GPR89A: variants seen among roughly 807,000 people sequenced by gnomAD.
The protein encoded by GPR89A is G protein-coupled receptor 89A.
In GPR89A, 16 loss-of-function variants were observed where a neutral mutation model predicts 52.0. That is an observed-to-expected ratio of 0.31 (90% confidence interval 0.21 to 0.47). The LOEUF is 0.47. Ranked by LOEUF, GPR89A falls within the 20% of genes least tolerant of loss-of-function variation. The pLI is 1.00. For missense variants in GPR89A, 135 were observed against 449.4 expected (o/e 0.30, Z 6.33); for synonymous variants, 55 against 150.9 (o/e 0.36, Z 4.66).
chr1:145,623,909 CT>C (rs1437312510), intron 5 of GPR89A, among the ~76,000 whole-genome samples, 195 bp downstream of exon 5: 1 of 150,622 alleles, frequency 6.6e-6, no homozygotes, highest in Non-Finnish European at 1.5e-5. Flanking sequence ...TGAAAAATGT[CT>C]GATTTTGAAC....
chr1:145,667,985 T>C (rs1413568465), intron 12 of GPR89A, among the ~76,000 whole-genome samples: 1 of 152,214 alleles, frequency 6.6e-6, no homozygotes, highest in African/African-American at 2.4e-5. Flanking sequence ...CCTTGTAGTA[T>C]AGCTTGAAGT....
At chr1:145,668,351 CT>C (rs1302354320) in intron 12 of GPR89A, among the ~76,000 whole-genome samples, 5 of 152,110 alleles carry the variant, frequency 3.3e-5, no homozygotes, top group Admixed American at 2.6e-4. Context: ...TGGGCGTTCA[CT>C]CATGATTTGG....
chr1:145,610,011 A>G (rs1648141420), intron 1 of GPR89A, among the ~76,000 whole-genome samples: 1 of 152,004 alleles, frequency 6.6e-6, no homozygotes. Flanking sequence ...GGCATTTATT[A>G]CTATGGTTCA....
intron 10 of GPR89A, among the ~76,000 whole-genome samples, chr1:145,660,624 C>A (rs187723863): frequency 6.6e-6 from 1 of 152,176 alleles, no homozygotes; most frequent in Admixed American, 6.5e-5. Context: ...AAACAAACAA[C>A]CCCATCAAAA....
intron 9 of GPR89A, chr1:145,646,528 G>A (rs1335619731): frequency 4.3e-6 from 2 of 463,098 alleles, no homozygotes; most frequent in Non-Finnish European, 7.7e-6. Context: ...ATTTAGGAAG[G>A]TGGCACGTAC....
At chr1:145,613,713 A>G (rs1475795071) in intron 1 of GPR89A, among the ~76,000 whole-genome samples, 1 of 150,344 alleles carries the variant, frequency 6.7e-6, no homozygotes, top group East Asian at 2.0e-4. Context: ...GCCTTTACTC[A>G]TGCCCTTTGC....
intron 7 of GPR89A, among the ~76,000 whole-genome samples, chr1:145,636,897 G>A (rs1297441638): frequency 6.6e-6 from 1 of 152,060 alleles, no homozygotes; most frequent in African/African-American, 2.4e-5. Flanking sequence ...TGTACAGATT[G>A]GTAAGAGTTT....
At chr1:145,662,544 C>T (rs1415579735) in intron 10 of GPR89A, among the ~76,000 whole-genome samples, 4 of 151,930 alleles carry the variant, frequency 2.6e-5, no homozygotes, top group Non-Finnish European at 5.9e-5. Flanking sequence ...TCCAATCTAA[C>T]AACCTCTGCC....
At chr1:145,646,512 T>C in intron 9 of GPR89A, 1 of 478,624 alleles carries the variant, frequency 2.1e-6, no homozygotes. Context: ...GAAGAGGCTT[T>C]TCAACATTTA....
intron 5 of GPR89A, among the ~76,000 whole-genome samples, chr1:145,624,313 T>TA (rs1342888742): frequency 7.9e-6 from 1 of 127,166 alleles, no homozygotes; most frequent in Non-Finnish European, 1.6e-5. Flanking sequence ...AAGTTTATTT[T>TA]AAAACAAGAA....
At chr1:145,668,362 GCTCT>G (rs1163783823) in intron 12 of GPR89A, among the ~76,000 whole-genome samples, 1 of 151,980 alleles carries the variant, frequency 6.6e-6, no homozygotes, top group Non-Finnish European at 1.5e-5. Flanking sequence ...TCATGATTTG[GCTCT>G]CTGTTTGTCT....
intron 5 of GPR89A, among the ~76,000 whole-genome samples, chr1:145,627,398 A>G (rs1378346327): frequency 6.6e-6 from 1 of 151,948 alleles, no homozygotes; most frequent in East Asian, 1.9e-4. Context: ...ATAGTCAACA[A>G]ACATTTGTTG....
chr1:145,657,111 T>G (rs1217420504), intron 10 of GPR89A, among the ~76,000 whole-genome samples: 1 of 151,132 alleles, frequency 6.6e-6, no homozygotes, highest in African/African-American at 2.5e-5. Flanking sequence ...ATGTTTGCAT[T>G]GTCTGAGCAT....
chr1:145,608,317 G>A, intron 1 of GPR89A, 142 bp downstream of exon 1: 2 of 1,283,756 alleles, frequency 1.6e-6, no homozygotes, highest in South Asian at 1.3e-5. Flanking sequence ...CCCAGAGAGG[G>A]TGTGCGATTT....
chr1:145,655,840 C>A (rs1443290831), intron 10 of GPR89A, among the ~76,000 whole-genome samples: 24 of 151,914 alleles, frequency 1.6e-4, no homozygotes, highest in African/African-American at 5.6e-4. Context: ...TGAAGGGAAT[C>A]CCCCTCCTCT....
Position 145,647,861 on chromosome 1 carries a change from C to G in GPR89A, c.909+594C>G, listed in dbSNP as rs1420875207. ...CTCTCTCTCCTCCTCCTCTCTCTCTCTCTCTCTCTCTCTCTCTCTATATAT... is the reference window on the plus strand; with the variant it reads ...CTCTCTCTCCTCCTCCTCTCTCTCTGTCTCTCTCTCTCTCTCTCTATATAT... On this transcript the variant is annotated intron_variant, in intron 10 of 13. Coordinates refer to ENST00000313835, the MANE Select transcript of GPR89A (RefSeq NM_001097612.2). Among the ~76,000 whole-genome samples the G allele has an allele frequency of 5.6e-3, 464 of 82,418 alleles. 12 individuals carry two copies. The highest frequency in any genetic ancestry group is 8.5e-3 in the Non-Finnish European group (358 of 42,258). 54.1% of individuals were successfully genotyped at this position (82,418 alleles called of 152,430 possible).
chr1:145,612,516 T>G (rs587636161), intron 1 of GPR89A, among the ~76,000 whole-genome samples: 58 of 152,304 alleles, frequency 3.8e-4, no homozygotes, highest in South Asian at 1.4e-3. Flanking sequence ...TTGAGTTCAA[T>G]CTTGATTCTG....
intron 7 of GPR89A, among the ~76,000 whole-genome samples, chr1:145,635,998 T>G (rs71257614): frequency 0.06 from 9,108 of 150,846 alleles, 836 homozygotes; most frequent in African/African-American, 0.21. Flanking sequence ...GTCAAGTGTG[T>G]ATACATACTT....
rs376147807 is a variant in GPR89A at position 145,663,366 on chromosome 1, C to T, written c.947C>T (p.Thr316Met). Residue 316 changes from threonine (T) to methionine (M), a missense_variant, in exon 11 of 14, where the codon ACG (threonine) becomes ATG (methionine). Transcript: ENST00000313835. ...ATTGTTTTTGATCGAGTTGGGAAAA[C>T]GGATCCTGTCACAAGAGGCATTGAG... ...INIVFDRVGK[T>M]DPVTRGIEIT... The T allele has an allele frequency of 2.0e-5, 33 of 1,610,520 alleles. No homozygotes were observed. In the African/African-American group the frequency reaches 3.6e-4, roughly 18 times the overall value.
Sources: gnomAD v4.1 joint callset for allele counts (sites outside exome capture counted in the v4.1 genomes callset) on GRCh38, gnomAD v4.1.1 for gene constraint, MANE v1.5 for transcripts, NCBI Gene and HGNC (gene_info 2026-07-23, HGNC 2026-07-21) for gene names.